Variants in PCLO observed in about 807,000 individuals in gnomAD.
The protein encoded by PCLO is protein piccolo.
In PCLO, 82 loss-of-function variants were observed where a neutral mutation model predicts 427.5. The ratio of observed to expected loss-of-function variants is 0.19; its 90% CI spans 0.16 to 0.23. PCLO has a LOEUF of 0.23. Among genes scored for constraint, PCLO ranks in the 10% least tolerant of loss-of-function variants. The pLI is 1.00. For synonymous variants in PCLO, 2,357 were observed against 2,155.4 expected (o/e 1.09, Z -2.59); for missense variants, 6,239 against 6,115.9 (o/e 1.02, Z -0.67).
chr7:82,809,117 C>CT (rs923117312), intron 20 of PCLO, among the ~76,000 whole-genome samples: 10 of 151,748 alleles, frequency 6.6e-5, no homozygotes, highest in Admixed American at 2.0e-4. Context: ...TAAAGGCAAA[C>CT]TTTTTTTTAA....
intron 2 of PCLO, among the ~76,000 whole-genome samples, chr7:83,146,595 TA>T (rs1314760403): frequency 8.3e-6 from 1 of 119,996 alleles, no homozygotes; most frequent in Non-Finnish European, 1.7e-5. Context: ...ATCCAATAAA[TA>T]CTTTTTTTTT....
intron 10 of PCLO, among the ~76,000 whole-genome samples, chr7:82,864,027 A>G (rs2115933712): frequency 6.6e-6 from 1 of 152,226 alleles, no homozygotes; most frequent in Non-Finnish European, 1.5e-5. Flanking sequence ...CCATAGTTTT[A>G]GAAACCACAT....
At chr7:82,791,309 C>T (rs747641622) in intron 22 of PCLO, among the ~76,000 whole-genome samples, 1 of 152,068 alleles carries the variant, frequency 6.6e-6, no homozygotes, top group African/African-American at 2.4e-5. Context: ...TAAGATAAAG[C>T]CCTGCTACTG....
rs1584019186 is a variant in PCLO, at chr7:82,827,774, G to A, written c.14343+99C>T. 1.3e-5 allele frequency: 8 copies of A among 618,740 alleles called. No individual in the cohort carries two copies. In the East Asian group the frequency reaches 2.4e-4, roughly 19 times the overall value. 38.3% of individuals were successfully genotyped at this position (618,740 alleles called of 1,614,324 possible). A position where few individuals can be genotyped will look rare whatever the true frequency, so the allele number is the denominator to read the frequency against. ...GTATTTTACTCAACTTTTTTTGTTT[G>A]ATTGGCAAAATGTATACAGATCCCA... On this transcript the variant is annotated intron_variant, in intron 17 of 24. Transcript: ENST00000333891.
At chr7:82,926,252 T>C (rs1794709891) in intron 6 of PCLO, among the ~76,000 whole-genome samples, 1 of 152,148 alleles carries the variant, frequency 6.6e-6, no homozygotes, top group South Asian at 2.1e-4. Context: ...AGGCAATATA[T>C]AAGTAGCAGT....
In PCLO at chr7:82,756,071, G is replaced by A. The variant is rs1488243216; in HGVS notation, c.*2504C>T. 3 of 152,108 alleles carry A rather than the reference G, an allele frequency of 2.0e-5. No individual in the cohort carries two copies. The highest frequency in any genetic ancestry group is 2.9e-5 in the Non-Finnish European group (2 of 68,028). 9.4% of individuals were successfully genotyped at this position (152,108 alleles called of 1,614,324 possible). A position where few individuals can be genotyped will look rare whatever the true frequency, so the allele number is the denominator to read the frequency against. ...TACCAAAGAGATAATCTTTGTTTTGGTGATCCCTCCATTTATATTATTCTA... is the reference window on the plus strand; with the variant it reads ...TACCAAAGAGATAATCTTTGTTTTGATGATCCCTCCATTTATATTATTCTA... On this transcript the variant is annotated 3_prime_UTR_variant, in exon 25 of 25. Coordinates refer to ENST00000333891, the MANE Select transcript of PCLO (RefSeq NM_033026.6).
At position 83,160,483 on chromosome 7, in the gene PCLO, T is replaced by C. The variant is rs568716296; in HGVS notation, c.248+1862A>G. Among the ~76,000 whole-genome samples, 10 of 152,240 alleles carry C rather than the reference T, an allele frequency of 6.6e-5. No individual in the cohort carries two copies. The South Asian group carries it at 2.1e-3, about 32-fold the overall frequency. Reference sequence around the variant, plus strand: ...TATAGGGAAAATAACTTTTAAAAAGTTATGTACCTTTTATAGAAATCTTTC... The same window carrying C: ...TATAGGGAAAATAACTTTTAAAAAGCTATGTACCTTTTATAGAAATCTTTC... On this transcript the variant is annotated intron_variant, in intron 1 of 24. Transcript: ENST00000333891.
intron 9 of PCLO, among the ~76,000 whole-genome samples, chr7:82,880,595 T>C (rs1793483027): frequency 6.6e-6 from 1 of 152,118 alleles, no homozygotes; most frequent in Non-Finnish European, 1.5e-5. Flanking sequence ...TATTGGTCCA[T>C]GTCTAGAAAC....
chr7:82,786,596 AC>A (rs1271203818), intron 22 of PCLO, among the ~76,000 whole-genome samples: 2 of 152,154 alleles, frequency 1.3e-5, no homozygotes, highest in Non-Finnish European at 2.9e-5. Flanking sequence ...TAAAGACACA[AC>A]TTTTTGTTTT....
At chr7:83,003,594 C>T (rs946441244) in intron 3 of PCLO, among the ~76,000 whole-genome samples, 2 of 151,742 alleles carry the variant, frequency 1.3e-5, no homozygotes, top group Admixed American at 6.6e-5. Context: ...TTTCTACATC[C>T]GTTGAGATGA....
intron 10 of PCLO, among the ~76,000 whole-genome samples, chr7:82,871,221 G>C (rs964734867): frequency 6.6e-6 from 1 of 151,898 alleles, no homozygotes; most frequent in Non-Finnish European, 1.5e-5. Flanking sequence ...TTCATTAAGA[G>C]ATGAATGAGT....
chr7:82,795,661 T>G (rs1482033558), intron 22 of PCLO, among the ~76,000 whole-genome samples: 1 of 152,224 alleles, frequency 6.6e-6, no homozygotes, highest in Non-Finnish European at 1.5e-5. Context: ...TTTACTGCTC[T>G]AGTTCTCTGT....
chr7:82,901,654 G>T (rs1794042869), intron 9 of PCLO, among the ~76,000 whole-genome samples: 2 of 151,968 alleles, frequency 1.3e-5, no homozygotes, highest in African/African-American at 2.4e-5. Flanking sequence ...CAAAATGGGA[G>T]AAAATTTTTG....
intron 8 of PCLO, among the ~76,000 whole-genome samples, chr7:82,907,993 A>C (rs1016570830): frequency 6.6e-6 from 1 of 152,086 alleles, no homozygotes; most frequent in African/African-American, 2.4e-5. Flanking sequence ...GTTGTTTAAA[A>C]TATGGTTGTT....
intron 3 of PCLO, among the ~76,000 whole-genome samples, chr7:82,997,325 A>G (rs1247353318): frequency 6.6e-6 from 1 of 151,944 alleles, no homozygotes; most frequent in Non-Finnish European, 1.5e-5. Context: ...CTAAACCTAA[A>G]GCTATTAGCT....
At chr7:82,879,668 T>C (rs1038266620) in intron 9 of PCLO, among the ~76,000 whole-genome samples, 7 of 152,158 alleles carry the variant, frequency 4.6e-5, no homozygotes, top group African/African-American at 1.2e-4. Flanking sequence ...GACTCTCCAA[T>C]GATTGACCTG....
In PCLO at chr7:82,845,417, G is replaced by T; in HGVS notation, c.13900C>A (p.Gln4634Lys). Residue 4634 changes from glutamine to lysine, a missense_variant, in exon 13 of 25, where the codon CAG (glutamine) becomes AAG (lysine). This residue lies in a region of PCLO where 877 missense variants were observed against 925.5 expected (regional missense o/e 0.95). Coordinates refer to ENST00000333891, the MANE Select transcript of PCLO (RefSeq NM_033026.6). ...GATGACAGAACCAGCGGTGACTGCT[G>T]TAGTGAAACCTTCTGGAGTTCTGCT... The part of the protein sequence containing the change: ...LAAELQKVSL[Q>K]QSPLVLSSVV... 1 of 1,613,152 alleles carries T rather than the reference G, an allele frequency of 6.2e-7. No homozygotes were observed. Among genetic ancestry groups the T allele is most frequent in the South Asian group, 1.1e-5 (1 of 91,046 alleles).
At chr7:82,930,594 CAA>C (rs1254348573) in intron 6 of PCLO, among the ~76,000 whole-genome samples, 1 of 152,024 alleles carries the variant, frequency 6.6e-6, no homozygotes, top group African/African-American at 2.4e-5. Flanking sequence ...AACTAATGTT[CAA>C]AGAGGTTATA....
intron 3 of PCLO, among the ~76,000 whole-genome samples, chr7:83,131,657 A>G (rs571137154): frequency 6.6e-5 from 10 of 152,244 alleles, no homozygotes; most frequent in African/African-American, 1.9e-4. Context: ...TTTGGACTTC[A>G]GGCCTAAAAT....
Sources: gnomAD v4.1 joint callset for allele counts (sites outside exome capture counted in the v4.1 genomes callset) on GRCh38, gnomAD v4.1.1 for gene constraint, gnomAD v4.1.1 regional missense constraint, MANE v1.5 for transcripts, NCBI Gene and HGNC (gene_info 2026-07-23, HGNC 2026-07-21) for gene names.